LINGO2: variants seen among roughly 807,000 people sequenced by gnomAD.
LINGO2 encodes leucine-rich repeat and immunoglobulin-like domain-containing nogo receptor-interacting protein 2.
A neutral mutation model predicts 30.6 loss-of-function variants in LINGO2; 14 were observed. The ratio of observed to expected loss-of-function variants is 0.46; its 90% CI spans 0.30 to 0.72. The LOEUF is 0.72. LINGO2 is among the 30% of genes least tolerant of loss of function. The probability of loss-of-function intolerance (pLI) is 0.07; values close to 1 mark genes in which losing one functional copy is unlikely to be tolerated. For synonymous variants in LINGO2, 317 were observed against 288.5 expected (o/e 1.10, Z -1.00); for missense variants, 729 against 751.7 (o/e 0.97, Z 0.35).
chr9:28,686,482 A>G, the LINGO2 span, among the ~76,000 whole-genome samples: 2 of 152,066 alleles, frequency 1.3e-5, no homozygotes, highest in Non-Finnish European at 2.9e-5. Flanking sequence ...CTGAAGCACC[A>G]GGTGGAAAAT....
At chr9:28,524,752 C>G (rs1213949836) in intron 1 of LINGO2, among the ~76,000 whole-genome samples, 2 of 152,036 alleles carry the variant, frequency 1.3e-5, no homozygotes, top group Admixed American at 6.6e-5. Flanking sequence ...GACTCCGTCT[C>G]AAAATAAATA....
At chr9:29,082,743 AC>A in the LINGO2 span, among the ~76,000 whole-genome samples, 1 of 152,120 alleles carries the variant, frequency 6.6e-6, no homozygotes, top group Non-Finnish European at 1.5e-5. Flanking sequence ...AAGAAAAAAA[AC>A]AATCAAACCC....
intron 1 of LINGO2, among the ~76,000 whole-genome samples, chr9:28,620,727 C>A (rs1438153358): frequency 1.3e-5 from 2 of 151,930 alleles, no homozygotes; most frequent in Non-Finnish European, 2.9e-5. Context: ...AACAGATGAA[C>A]AGAAAACCAA....
At chr9:28,607,963 G>A (rs1334649302) in intron 1 of LINGO2, among the ~76,000 whole-genome samples, 1 of 151,952 alleles carries the variant, frequency 6.6e-6, no homozygotes, top group Non-Finnish European at 1.5e-5. Context: ...TATCCCAGTT[G>A]CATTACAGCA....
intron 1 of LINGO2, among the ~76,000 whole-genome samples, chr9:28,622,361 T>G (rs1429417303): frequency 6.6e-6 from 1 of 151,878 alleles, no homozygotes; most frequent in Non-Finnish European, 1.5e-5. Context: ...ATTTACTTGT[T>G]TTTATTTTTT....
At chr9:28,502,752 C>A (rs1431130884) in intron 1 of LINGO2, among the ~76,000 whole-genome samples, 65 of 152,042 alleles carry the variant, frequency 4.3e-4, no homozygotes. Context: ...TCATTTTATA[C>A]AGTGCAACAG....
chr9:28,287,533 A>G (rs906153877), intron 4 of LINGO2, among the ~76,000 whole-genome samples: 3 of 152,210 alleles, frequency 2.0e-5, no homozygotes, highest in African/African-American at 7.2e-5. Context: ...GGTTTTTGTG[A>G]GCAGTATGTG....
At chr9:29,099,528 C>A in the LINGO2 span, among the ~76,000 whole-genome samples, 959 of 152,000 alleles carry the variant, frequency 6.3e-3, 6 homozygotes, top group Non-Finnish European at 8.6e-3. Flanking sequence ...GAGCAAAGAA[C>A]TCTATATGAA....
At chr9:28,965,346 T>C in the LINGO2 span, among the ~76,000 whole-genome samples, 2 of 151,976 alleles carry the variant, frequency 1.3e-5, no homozygotes, top group African/African-American at 4.8e-5. Context: ...CCCTTCCTTT[T>C]AAAGGAAACA....
At position 28,329,340 on chromosome 9, in the gene LINGO2, C is replaced by G. The variant is rs1825338447; in HGVS notation, c.-245-33974G>C. ...TTTCCCTGTATCTGACAAATACTCC[C>G]TTCAAAGCAGTACCTTCTGCCTGTT... is the stretch of plus-strand genomic sequence containing the variant. On this transcript the variant is annotated intron_variant, in intron 3 of 5. Coordinates refer to ENST00000379992, the Ensembl canonical transcript of LINGO2. This position sits in a 1 kb window ranked among gnomAD's most constrained non-coding sequence, Gnocchi z 4.5. Among the ~76,000 whole-genome samples the G allele has an allele frequency of 6.6e-6, 1 of 152,142 alleles. No individual in the cohort carries two copies. Among genetic ancestry groups the G allele is most frequent in the African/African-American group, 2.4e-5 (1 of 41,418 alleles).
chr9:27,974,592 T>A (rs983999545), intron 5 of LINGO2, among the ~76,000 whole-genome samples: 1 of 152,122 alleles, frequency 6.6e-6, no homozygotes, highest in Non-Finnish European at 1.5e-5. Flanking sequence ...TATTGCATGC[T>A]TTTATTCAGG....
intron 4 of LINGO2, among the ~76,000 whole-genome samples, chr9:28,220,385 C>A (rs866157635): frequency 2.0e-4 from 30 of 152,086 alleles, no homozygotes; most frequent in Admixed American, 6.6e-4. Flanking sequence ...TCCGTTATCA[C>A]ACAAAAGCAA....
At chr9:28,439,898 G>A (rs1440659088) in intron 2 of LINGO2, among the ~76,000 whole-genome samples, 2 of 152,146 alleles carry the variant, frequency 1.3e-5, no homozygotes, top group African/African-American at 4.8e-5. Flanking sequence ...TCCCTCCCAT[G>A]GGGTTGAGCA....
At chr9:27,950,696 T>C in exon 6 of LINGO2, 1 of 1,488,202 alleles carries the variant, frequency 6.7e-7, no homozygotes, top group Non-Finnish European at 8.9e-7. Context: ...GTCTACACCT[T>C]GGTCACGGGT....
At chr9:28,764,113 C>G in the LINGO2 span, among the ~76,000 whole-genome samples, 35 of 149,792 alleles carry the variant, frequency 2.3e-4, 1 homozygote, top group South Asian at 6.2e-3. Context: ...AGATTTAATA[C>G]CAATTCTTGA....
chr9:28,989,136 C>G, the LINGO2 span, among the ~76,000 whole-genome samples: 86 of 152,266 alleles, frequency 5.6e-4, no homozygotes, highest in South Asian at 0.017. Flanking sequence ...CCACCAGTAC[C>G]TTCAAAGGAC....
the LINGO2 span, among the ~76,000 whole-genome samples, chr9:29,031,245 A>AGTG: frequency 5.1e-3 from 777 of 150,890 alleles, 5 homozygotes; most frequent in African/African-American, 0.015. Flanking sequence ...ATAGTAACAA[A>AGTG]GTGGTGGTGG....
chr9:28,662,544 C>T (rs1280794574), intron 1 of LINGO2, among the ~76,000 whole-genome samples: 3 of 152,070 alleles, frequency 2.0e-5, no homozygotes, highest in African/African-American at 7.2e-5. Context: ...TGCCTATATG[C>T]TCTCAGAAAA....
chr9:28,205,631 C>T (rs1820382700), intron 4 of LINGO2, among the ~76,000 whole-genome samples: 1 of 151,932 alleles, frequency 6.6e-6, no homozygotes, highest in Admixed American at 6.6e-5. Context: ...AAAAGAGAAA[C>T]AAAGAAGAAA....
Sources: gnomAD v4.1 joint callset for allele counts (sites outside exome capture counted in the v4.1 genomes callset) on GRCh38, gnomAD v4.1.1 for gene constraint, Gnocchi (gnomAD v3.1) non-coding constraint, MANE v1.5 for transcripts, NCBI Gene and HGNC (gene_info 2026-07-23, HGNC 2026-07-21) for gene names.